Variants in ARHGAP6 observed in about 807,000 individuals in gnomAD.
The protein encoded by ARHGAP6 is Rho GTPase activating protein 6, also known as rho GTPase-activating protein 6.
ARHGAP6 carries 16 observed loss-of-function variants against 55.7 expected under a neutral mutation model. That is an observed-to-expected ratio of 0.29 (90% CI 0.19 to 0.44). ARHGAP6 has a LOEUF of 0.44. Ranked by LOEUF, ARHGAP6 falls within the 20% of genes least tolerant of loss-of-function variation. The pLI is 1.00. For synonymous variants in ARHGAP6, 382 were observed against 360.9 expected (o/e 1.06, Z -0.66); for missense variants, 698 against 808.9 (o/e 0.86, Z 1.66).
intron 1 of ARHGAP6, among the ~76,000 whole-genome samples, chrX:11,370,596 C>T (rs916818751): frequency 5.4e-5 from 6 of 111,878 alleles, no homozygotes; most frequent in Admixed American, 3.8e-4. Context: ...CATTGTAAAA[C>T]TGGATGTTGA....
At chrX:11,291,324 G>A (rs2047987857) in intron 1 of ARHGAP6, among the ~76,000 whole-genome samples, 1 of 111,507 alleles carries the variant, frequency 9.0e-6, no homozygotes, top group South Asian at 3.8e-4. Context: ...ACTGTCCATG[G>A]TGAATTAGCG....
At chrX:11,280,277 A>G (rs1334524278) in intron 1 of ARHGAP6, among the ~76,000 whole-genome samples, 1 of 111,479 alleles carries the variant, frequency 9.0e-6, no homozygotes, top group African/African-American at 3.3e-5. Context: ...GGTTATCTCA[A>G]TCTGGAGTGG....
intron 1 of ARHGAP6, among the ~76,000 whole-genome samples, chrX:11,520,943 G>A (rs1340115371): frequency 8.9e-6 from 1 of 112,142 alleles, no homozygotes; most frequent in Admixed American, 9.4e-5. Context: ...TGTGTCTGTT[G>A]ACTGCATAAA....
At chrX:11,586,022 G>A (rs951712753) in intron 1 of ARHGAP6, among the ~76,000 whole-genome samples, 2 of 111,200 alleles carry the variant, frequency 1.8e-5, no homozygotes, top group Admixed American at 9.5e-5. Flanking sequence ...ATGAGAAACC[G>A]CCCCCATGAT....
chrX:11,183,048 A>G (rs894555363), intron 5 of ARHGAP6, among the ~76,000 whole-genome samples: 3 of 111,505 alleles, frequency 2.7e-5, no homozygotes, highest in African/African-American at 9.8e-5. Flanking sequence ...ATCGTGTCGC[A>G]TGAATTTTCA....
chrX:11,357,742 T>C (rs2048950328), intron 1 of ARHGAP6, among the ~76,000 whole-genome samples: 2 of 111,730 alleles, frequency 1.8e-5, no homozygotes, highest in African/African-American at 6.5e-5. Flanking sequence ...TTATCTTGGG[T>C]ATCCTACAAG....
chrX:11,239,976 A>C (rs976972639), intron 2 of ARHGAP6, among the ~76,000 whole-genome samples: 2 of 111,897 alleles, frequency 1.8e-5, no homozygotes, highest in African/African-American at 6.5e-5. Flanking sequence ...AGACCTCCCA[A>C]AAAATAAGGC....
intron 1 of ARHGAP6, among the ~76,000 whole-genome samples, chrX:11,372,928 C>A (rs1377688460): frequency 9.1e-6 from 1 of 109,635 alleles, no homozygotes; most frequent in Non-Finnish European, 1.9e-5. Flanking sequence ...TTATTCTTTT[C>A]TTTCTTATCA....
rs775443285 is a variant in ARHGAP6, at chrX:11,254,652, G to A, written c.644C>T (p.Pro215Leu). 66 of 1,203,635 alleles carry A rather than the reference G, an allele frequency of 5.5e-5. No individual in the cohort carries two copies. The South Asian group carries it at 1.1e-3, about 20-fold the overall frequency. ...SGRSVRLRSVPIQSLSELERA... is the reference protein window; with the variant it reads ...SGRSVRLRSVLIQSLSELERA... ...CTCCAGCTCTGAGAGACTCTGGATG[G>A]GGACTGACCTCAGCCGTACACTGCG... The change falls in exon 2 of 13, where the codon CCC becomes CTC. Residue 215 changes from proline to leucine, a missense_variant. Coordinates refer to ENST00000337414, the MANE Select transcript of ARHGAP6 (RefSeq NM_013427.3).
intron 1 of ARHGAP6, among the ~76,000 whole-genome samples, chrX:11,621,437 G>T (rs191001004): frequency 2.7e-5 from 3 of 110,670 alleles, no homozygotes; most frequent in Admixed American, 9.6e-5. Context: ...AAATCAGGCA[G>T]AAAGGAGATA....
chrX:11,257,529 C>T (rs889731904), intron 1 of ARHGAP6, among the ~76,000 whole-genome samples: 1 of 112,297 alleles, frequency 8.9e-6, no homozygotes, highest in Non-Finnish European at 1.9e-5. Flanking sequence ...TAGAGTTTCC[C>T]AACCTGTGAA....
chrX:11,552,469 T>C (rs2051275786), intron 1 of ARHGAP6, among the ~76,000 whole-genome samples: 1 of 99,144 alleles, frequency 1.0e-5, no homozygotes, highest in African/African-American at 3.7e-5. Context: ...TGCACTCCCA[T>C]GTTCACTGTG....
intron 1 of ARHGAP6, among the ~76,000 whole-genome samples, chrX:11,513,234 G>A (rs888783647): frequency 5.4e-5 from 6 of 110,885 alleles, no homozygotes; most frequent in African/African-American, 9.8e-5. Context: ...CATCATGTTC[G>A]AAATCTTAAG....
At chrX:11,250,211 T>C (rs1362109086) in intron 2 of ARHGAP6, among the ~76,000 whole-genome samples, 2 of 112,431 alleles carry the variant, frequency 1.8e-5, no homozygotes, top group African/African-American at 3.2e-5. Context: ...GATGTTTAGA[T>C]TAATTTAGTA....
intron 1 of ARHGAP6, among the ~76,000 whole-genome samples, chrX:11,554,096 GAAT>G (rs1276635458): frequency 8.9e-6 from 1 of 112,112 alleles, no homozygotes; most frequent in African/African-American, 3.2e-5. Context: ...ATACACAATG[GAAT>G]ACCATTCCAC....
chrX:11,513,465 A>C (rs5933893), intron 1 of ARHGAP6, among the ~76,000 whole-genome samples: 13,008 of 111,613 alleles, frequency 0.12, 761 homozygotes, highest in African/African-American at 0.21. Flanking sequence ...CGTAACATCC[A>C]AGACTTGCCA....
intron 1 of ARHGAP6, among the ~76,000 whole-genome samples, chrX:11,286,691 C>T (rs1370877940): frequency 8.9e-6 from 1 of 112,032 alleles, no homozygotes; most frequent in Non-Finnish European, 1.9e-5. Flanking sequence ...GCTGCTAACA[C>T]CTAGAAGGTA....
At chrX:11,516,989 C>T (rs113344984) in intron 1 of ARHGAP6, among the ~76,000 whole-genome samples, 9,713 of 110,707 alleles carry the variant, frequency 0.088, 478 homozygotes, top group East Asian at 0.18. Context: ...TATCTATCCG[C>T]GAGCCTCTCT....
chrX:11,517,967 G>A (rs1311671449), intron 1 of ARHGAP6, among the ~76,000 whole-genome samples: 4 of 110,460 alleles, frequency 3.6e-5, no homozygotes, highest in Non-Finnish European at 1.9e-5. Flanking sequence ...CATGTACCCC[G>A]GAATTTAAAA....
Sources: gnomAD v4.1 joint callset for allele counts (sites outside exome capture counted in the v4.1 genomes callset) on GRCh38, gnomAD v4.1.1 for gene constraint, MANE v1.5 for transcripts, NCBI Gene and HGNC (gene_info 2026-07-23, HGNC 2026-07-21) for gene names.